The following PCDH15 variants were observed in gnomAD, a reference collection of about 807,000 sequenced individuals.
The protein encoded by PCDH15 is protocadherin related 15.
Under a neutral mutation model 178.5 loss-of-function variants are expected in PCDH15, and 129 were observed. That is an observed-to-expected ratio of 0.72 (90% CI 0.63 to 0.84). PCDH15 has a LOEUF of 0.84. PCDH15 is among the 40% of genes least tolerant of loss of function. PCDH15 has a pLI of 0.00. For missense variants in PCDH15, 2,230 were observed against 2,099.9 expected (o/e 1.06, Z -1.21); for synonymous variants, 800 against 732.0 (o/e 1.09, Z -1.50).
chr10:54,261,658 T>TAATG (rs10668330), intron 8 of PCDH15, among the ~76,000 whole-genome samples: 103,451 of 151,252 alleles, frequency 0.68, 36,331 homozygotes, highest in Middle Eastern at 0.76. Flanking sequence ...ATTCTATTCT[T>TAATG]AACACACATA....
intron 3 of PCDH15, among the ~76,000 whole-genome samples, chr10:54,516,371 T>C (rs1028645813): frequency 1.3e-5 from 2 of 151,896 alleles, no homozygotes; most frequent in Non-Finnish European, 2.9e-5. Context: ...TTAAAGGAGC[T>C]GATGGAGCTG....
intron 3 of PCDH15, among the ~76,000 whole-genome samples, chr10:54,477,687 T>G (rs2136844724): frequency 6.6e-6 from 1 of 152,286 alleles, no homozygotes; most frequent in South Asian, 2.1e-4. Context: ...GCCTTCGACT[T>G]CTGGGTTCAA....
At chr10:54,825,777 TA>T (rs1321096540) in intron 3 of PCDH15, among the ~76,000 whole-genome samples, 2 of 152,150 alleles carry the variant, frequency 1.3e-5, no homozygotes, top group African/African-American at 4.8e-5. Context: ...GATAGGTTTC[TA>T]AACACAGTCA....
Position 54,066,785 on chromosome 10 carries a change from T to C in PCDH15, c.2192A>G (p.Glu731Gly). ...TACTTGACCCACAAAGGCATTGGCT[T>C]CTTCTTCCACCACAGATAAATTTCT... ...LPRNLSVVEE[E>G]ANAFVGQVKA... The change falls in exon 18 of 38, where the codon GAA becomes GGA. Residue 731 changes from glutamate (E) to glycine (G), a missense_variant. By Grantham distance (98) the Glu-to-Gly change is moderately conservative. Coordinates refer to ENST00000644397, the MANE Select transcript of PCDH15 (RefSeq NM_001384140.1). 3.7e-6 allele frequency: 6 copies of C among 1,613,526 alleles called. No individual in the cohort carries two copies. Among genetic ancestry groups the C allele is most frequent in the Non-Finnish European group, 5.1e-6 (6 of 1,179,648 alleles).
At chr10:54,196,821 C>T (rs748115624) in intron 10 of PCDH15, among the ~76,000 whole-genome samples, 8 of 152,146 alleles carry the variant, frequency 5.3e-5, no homozygotes, top group Non-Finnish European at 8.8e-5. Context: ...CCCCGCCTCC[C>T]ACCACGTGAG....
chr10:55,388,714 A>C (rs1837722135), intron 2 of PCDH15, among the ~76,000 whole-genome samples: 1 of 152,102 alleles, frequency 6.6e-6, no homozygotes, highest in African/African-American at 2.4e-5. Flanking sequence ...TAAAAAATTA[A>C]AGAAATGGAA....
At chr10:54,704,851 T>C (rs58988449) in intron 1 of PCDH15, among the ~76,000 whole-genome samples, 5,479 of 152,180 alleles carry the variant, frequency 0.036, 353 homozygotes, top group African/African-American at 0.13. Flanking sequence ...ATATAAATCA[T>C]TCTACCATAA....
At chr10:53,812,124 G>T (rs1373670139) in intron 35 of PCDH15, among the ~76,000 whole-genome samples, 4 of 152,126 alleles carry the variant, frequency 2.6e-5, no homozygotes, top group Non-Finnish European at 4.4e-5. Flanking sequence ...CTGAGAACAA[G>T]AATTTAAGTT....
At chr10:55,299,713 G>T (rs1034211395) in intron 1 of PCDH15, among the ~76,000 whole-genome samples, 4 of 152,106 alleles carry the variant, frequency 2.6e-5, no homozygotes, top group African/African-American at 9.7e-5. Context: ...CTAATACTCA[G>T]AATTGGACCA....
At chr10:54,242,873 C>T (rs2055554555) in intron 8 of PCDH15, among the ~76,000 whole-genome samples, 2 of 152,110 alleles carry the variant, frequency 1.3e-5, no homozygotes, top group African/African-American at 4.8e-5. Flanking sequence ...TATAAGTACA[C>T]AGTTTGCTGT....
chr10:55,511,776 T>A (rs1333494665), intron 2 of PCDH15, among the ~76,000 whole-genome samples: 1 of 152,066 alleles, frequency 6.6e-6, no homozygotes, highest in Non-Finnish European at 1.5e-5. Context: ...TTCATGAGAA[T>A]CATACAGAAG....
intron 2 of PCDH15, among the ~76,000 whole-genome samples, chr10:54,570,491 A>G (rs141118562): frequency 1.3e-5 from 2 of 152,222 alleles, no homozygotes; most frequent in East Asian, 3.9e-4. Context: ...ATTTCAACTT[A>G]CTGATCCTTT....
chr10:53,993,463 T>C (rs1165974546), intron 21 of PCDH15, among the ~76,000 whole-genome samples: 1 of 152,142 alleles, frequency 6.6e-6, no homozygotes, highest in Non-Finnish European at 1.5e-5. Flanking sequence ...AAACCTACAG[T>C]GTTAAGATAG....
chr10:54,083,660 C>G (rs1467467788), intron 16 of PCDH15, among the ~76,000 whole-genome samples: 1 of 152,084 alleles, frequency 6.6e-6, no homozygotes, highest in Non-Finnish European at 1.5e-5. Context: ...TAAATGGGTT[C>G]AGGTTTCTAT....
intron 2 of PCDH15, among the ~76,000 whole-genome samples, chr10:54,992,701 G>A (rs563221575): frequency 6.6e-6 from 1 of 151,446 alleles, no homozygotes; most frequent in East Asian, 2.0e-4. Flanking sequence ...CTTGCAGTGA[G>A]CAGAGATCAG....
rs1000743848 is a variant in PCDH15 at position 55,415,926 on chromosome 10, A to AT, written c.-156+211698dup. 2.9e-4 allele frequency among the ~76,000 whole-genome samples: 44 copies of AT among 150,940 alleles called. 1 individual carries two copies. In the East Asian group the frequency reaches 6.6e-3, roughly 23 times the overall value. ...CTTAGCAATATCTATAAAGAGCCAT[A>AT]TTTTTTTTTCTCAAATTTGCTTTTG... On this transcript the variant is annotated intron_variant, in intron 2 of 5. Transcript: ENST00000613346.
intron 3 of PCDH15, among the ~76,000 whole-genome samples, chr10:54,819,651 C>T (rs1953004903): frequency 6.6e-6 from 1 of 151,830 alleles, no homozygotes; most frequent in African/African-American, 2.4e-5. Flanking sequence ...GTTAGTGTGG[C>T]ATTCAATAAT....
At position 53,956,614 on chromosome 10, in the gene PCDH15, T is replaced by C. The variant is rs548255960; in HGVS notation, c.3122+3118A>G. ...AATGCATTATGATCAAGATACTGAT[T>C]CTTAGCATCTCTGGGAGTTATGTGT... On this transcript the variant is annotated intron_variant, in intron 23 of 37. Coordinates refer to ENST00000644397, the MANE Select transcript of PCDH15 (RefSeq NM_001384140.1). 2.0e-4 allele frequency among the ~76,000 whole-genome samples: 30 copies of C among 152,268 alleles called. 1 individual carries two copies. In the South Asian group the frequency reaches 6.2e-3, roughly 32 times the overall value.
intron 3 of PCDH15, among the ~76,000 whole-genome samples, chr10:54,499,422 A>C (rs1019790667): frequency 2.0e-5 from 3 of 152,134 alleles, no homozygotes; most frequent in African/African-American, 4.8e-5. Context: ...ATGCTCAGCT[A>C]TAAAGCAATT....
Sources: gnomAD v4.1 joint callset for allele counts (sites outside exome capture counted in the v4.1 genomes callset) on GRCh38, gnomAD v4.1.1 for gene constraint, MANE v1.5 for transcripts, NCBI Gene and HGNC (gene_info 2026-07-23, HGNC 2026-07-21) for gene names.